Variants in ST8SIA6 observed in about 807,000 individuals in gnomAD.
ST8SIA6 encodes the protein ST8 alpha-N-acetyl-neuraminide alpha-2,8-sialyltransferase 6, also known as alpha-2,8-sialyltransferase 8F.
ST8SIA6 carries 39 observed loss-of-function variants against 33.6 expected under a neutral mutation model. The ratio of observed to expected loss-of-function variants is 1.16; its 90% CI spans 0.90 to 1.52. ST8SIA6 has a LOEUF of 1.52. Among genes scored for constraint, ST8SIA6 ranks in the 40% most tolerant of loss-of-function variants. The pLI, the probability that ST8SIA6 is intolerant of heterozygous loss-of-function variation, is 0.00. For missense variants in ST8SIA6, 441 were observed against 443.8 expected (o/e 0.99, Z 0.06); for synonymous variants, 172 against 167.2 (o/e 1.03, Z -0.22).
chr10:17,360,102 A>T (rs1849332316), intron 3 of ST8SIA6, among the ~76,000 whole-genome samples: 2 of 152,152 alleles, frequency 1.3e-5, no homozygotes, highest in Non-Finnish European at 2.9e-5. Context: ...TTATTGACAT[A>T]AAAATCTATA....
chr10:17,365,232 A>G (rs935370244), intron 3 of ST8SIA6, among the ~76,000 whole-genome samples: 3 of 152,228 alleles, frequency 2.0e-5, no homozygotes, highest in African/African-American at 7.2e-5. Context: ...ATGTCATATT[A>G]AAATTTTAAA....
rs1427992156 is a variant in ST8SIA6 at position 17,372,796 on chromosome 10, C to T, written c.291-13196G>A. Among the ~76,000 whole-genome samples the T allele has an allele frequency of 2.6e-5, 4 of 152,220 alleles. No individual in the cohort carries two copies. The East Asian group carries it at 5.8e-4, about 22-fold the overall frequency. On this transcript the variant is annotated intron_variant, in intron 3 of 7. Transcript: ENST00000377602. ...AACATTCATTATTGCACAGAACTCACAAAGTCTCTTATGACCTTTCTTGAA... is the reference window on the plus strand; with the variant it reads ...AACATTCATTATTGCACAGAACTCATAAAGTCTCTTATGACCTTTCTTGAA...
At chr10:17,451,012 T>C (rs1486988365) in intron 2 of ST8SIA6, among the ~76,000 whole-genome samples, 1 of 152,210 alleles carries the variant, frequency 6.6e-6, no homozygotes, top group Admixed American at 6.5e-5. Context: ...GGCTCCACAA[T>C]GTGTTAACTC....
rs45622338 is a variant in ST8SIA6, at chr10:17,359,563, T to C, written c.328A>G (p.Ile110Val). 39 of 1,607,808 alleles carry C rather than the reference T, an allele frequency of 2.4e-5. No individual in the cohort carries two copies. Among genetic ancestry groups the C allele is most frequent in the Admixed American group, 2.2e-4 (13 of 59,002 alleles). Reference sequence around the variant, plus strand: ...TGCCGTTTCCATGGACAACTCTGTATATCTGTGATAATCTGAAGGTAGTCG... The same window carrying C: ...TGCCGTTTCCATGGACAACTCTGTACATCTGTGATAATCTGAAGGTAGTCG... The part of the protein sequence containing the change: ...ENDYLQIITD[I>V]QSCPWKRQAE... The change falls in exon 4 of 8, where the codon ATA becomes GTA. Residue 110 changes from isoleucine (I) to valine (V), a missense_variant. Ile to Val is a conservative substitution (Grantham distance 29, BLOSUM62 3). Coordinates refer to ENST00000377602, the MANE Select transcript of ST8SIA6 (RefSeq NM_001004470.3).
intron 2 of ST8SIA6, among the ~76,000 whole-genome samples, chr10:17,423,735 C>T (rs1179787820): frequency 6.6e-6 from 1 of 152,176 alleles, no homozygotes; most frequent in South Asian, 2.1e-4. Flanking sequence ...CAAAATAGAT[C>T]ACTTGTTCCA....
At chr10:17,342,981 G>A (rs112162166) in intron 4 of ST8SIA6, among the ~76,000 whole-genome samples, 7 of 152,228 alleles carry the variant, frequency 4.6e-5, no homozygotes, top group African/African-American at 7.2e-5. Context: ...GCAGCAGGGC[G>A]TTATGATAAT....
At chr10:17,383,850 A>T (rs1197183453) in intron 3 of ST8SIA6, among the ~76,000 whole-genome samples, 1 of 152,138 alleles carries the variant, frequency 6.6e-6, no homozygotes, top group African/African-American at 2.4e-5. Flanking sequence ...TGTTTTTCAG[A>T]CTCTTAAAAC....
At chr10:17,371,783 T>TAAAA (rs747851635) in intron 3 of ST8SIA6, among the ~76,000 whole-genome samples, 10 of 98,350 alleles carry the variant, frequency 1.0e-4, no homozygotes, top group South Asian at 3.8e-4. Context: ...AAGACTCCAT[T>TAAAA]AAAAAAAAAA....
At chr10:17,405,613 G>T (rs1010230828) in intron 2 of ST8SIA6, among the ~76,000 whole-genome samples, 3 of 149,876 alleles carry the variant, frequency 2.0e-5, no homozygotes, top group African/African-American at 7.4e-5. Flanking sequence ...GCTGGATGTG[G>T]TGGCTCATTC....
At chr10:17,387,613 G>A (rs956300210) in intron 3 of ST8SIA6, among the ~76,000 whole-genome samples, 4 of 152,132 alleles carry the variant, frequency 2.6e-5, no homozygotes, top group Non-Finnish European at 5.9e-5. Flanking sequence ...GAGAAACGGA[G>A]CTAACATACA....
chr10:17,348,581 G>A (rs999371471), intron 4 of ST8SIA6, among the ~76,000 whole-genome samples: 1 of 152,112 alleles, frequency 6.6e-6, no homozygotes, highest in Admixed American at 6.5e-5. Context: ...TCTGCTCATG[G>A]CCATTTAGTG....
At chr10:17,347,250 G>T (rs1053699621) in intron 4 of ST8SIA6, among the ~76,000 whole-genome samples, 4 of 152,300 alleles carry the variant, frequency 2.6e-5, no homozygotes, top group African/African-American at 9.6e-5. Context: ...GACCAGAGAT[G>T]GGTGGTGAGA....
At chr10:17,388,782 G>C (rs1337557908) in intron 3 of ST8SIA6, among the ~76,000 whole-genome samples, 1 of 152,160 alleles carries the variant, frequency 6.6e-6, no homozygotes, top group Non-Finnish European at 1.5e-5. Flanking sequence ...TTCAGTTCGT[G>C]GTTTGAGTCT....
At chr10:17,411,622 T>C (rs1851453160) in intron 2 of ST8SIA6, among the ~76,000 whole-genome samples, 1 of 152,254 alleles carries the variant, frequency 6.6e-6, no homozygotes, top group Non-Finnish European at 1.5e-5. Flanking sequence ...AGCTACTTTG[T>C]CTTGTTGCAG....
At chr10:17,423,877 A>G (rs1033511388) in intron 2 of ST8SIA6, among the ~76,000 whole-genome samples, 3 of 152,204 alleles carry the variant, frequency 2.0e-5, no homozygotes, top group Non-Finnish European at 4.4e-5. Flanking sequence ...AGATAACTAA[A>G]GTGATGCAGA....
chr10:17,370,126 G>A (rs990444303), intron 3 of ST8SIA6, among the ~76,000 whole-genome samples: 15 of 151,896 alleles, frequency 9.9e-5, no homozygotes, highest in South Asian at 4.2e-4. Context: ...GACTACAGGC[G>A]CCCGCCACCA....
At chr10:17,378,370 C>G (rs1303922072) in intron 3 of ST8SIA6, among the ~76,000 whole-genome samples, 1 of 152,150 alleles carries the variant, frequency 6.6e-6, no homozygotes, top group Non-Finnish European at 1.5e-5. Context: ...CTTTGGAAAG[C>G]AAAAACGGAT....
At chr10:17,414,834 A>G (rs1851554758) in intron 2 of ST8SIA6, among the ~76,000 whole-genome samples, 1 of 152,204 alleles carries the variant, frequency 6.6e-6, no homozygotes, top group African/African-American at 2.4e-5. Flanking sequence ...CTGTGGCTTC[A>G]ACATGAATTT....
chr10:17,404,282 C>T (rs191003636), intron 2 of ST8SIA6, among the ~76,000 whole-genome samples: 6 of 152,138 alleles, frequency 3.9e-5, no homozygotes, highest in Admixed American at 2.0e-4. Flanking sequence ...AGTCGCTGTC[C>T]GAGTTGGAAG....
Sources: allele counts gnomAD v4.1 joint callset (sites outside exome capture counted in the v4.1 genomes callset), GRCh38; gene constraint gnomAD v4.1.1; transcripts MANE v1.5; gene names NCBI Gene and HGNC (gene_info 2026-07-23, HGNC 2026-07-21).